Variants in LPIN2 observed in about 807,000 individuals in gnomAD.
LPIN2 encodes the protein lipin 2.
Under a neutral mutation model 111.4 loss-of-function variants are expected in LPIN2, and 55 were observed. The observed-to-expected ratio is 0.49, with a 90% CI of 0.40 to 0.62. LPIN2 has a LOEUF of 0.62. LPIN2 is among the 20% of genes least tolerant of loss of function. The pLI, the probability that LPIN2 is intolerant of heterozygous loss-of-function variation, is 0.00. For missense variants in LPIN2, 992 were observed against 1,112.1 expected (o/e 0.89, Z 1.54); for synonymous variants, 425 against 414.0 (o/e 1.03, Z -0.32).
intron 1 of LPIN2, among the ~76,000 whole-genome samples, chr18:2,977,780 C>T (rs1003307536): frequency 5.3e-5 from 8 of 152,088 alleles, no homozygotes; most frequent in African/African-American, 1.7e-4. Context: ...ACAGCTCTTA[C>T]AGATGAATTA....
chr18:2,966,743 C>T (rs1310182816), intron 1 of LPIN2, among the ~76,000 whole-genome samples: 1 of 152,174 alleles, frequency 6.6e-6, no homozygotes, highest in African/African-American at 2.4e-5. Flanking sequence ...CCCTCCAAGT[C>T]TCCTCACACC....
In LPIN2 at chr18:2,932,230, G is replaced by C. The variant is rs186007401; in HGVS notation, c.1269-787C>G. Among the ~76,000 whole-genome samples the C allele has an allele frequency of 1.4e-3, 218 of 152,170 alleles. 1 individual carries two copies. The highest frequency in any genetic ancestry group is 2.4e-3 in the Non-Finnish European group (164 of 68,004). On this transcript the variant is annotated intron_variant, in intron 8 of 19. Transcript: ENST00000677752. ...CAATGCTTACTACTCTATACCCTTT[G>C]AATAGGTATTTAATGTCACATTTGA...
At chr18:2,954,357 A>G in intron 3 of LPIN2, 147 bp downstream of exon 3, 1 of 668,420 alleles carries the variant, frequency 1.5e-6, no homozygotes, top group African/African-American at 1.8e-5. Flanking sequence ...TTGACAGCTT[A>G]GTTCTTCAAC....
At chr18:2,989,781 T>C (rs1366025959) in intron 1 of LPIN2, among the ~76,000 whole-genome samples, 1 of 151,874 alleles carries the variant, frequency 6.6e-6, no homozygotes, top group African/African-American at 2.4e-5. Flanking sequence ...ATTAGGCAGG[T>C]GTGTGGCAGG....
chr18:2,927,726 T>G lies in LPIN2; in HGVS notation c.1706A>C (p.Lys569Thr). The change falls in exon 12 of 20, where the codon AAA becomes ACA. Residue 569 changes from lysine (K) to threonine (T), a missense_variant. Transcript: ENST00000677752. ...AATGACCTCTAGGTCTGTTACCTGT[T>G]TGGTCATGCTTTCTCTCTTTCGCCA... Reference protein sequence around the residue: ...WFWRKRESMTKQLPESKEGKS... With the variant: ...WFWRKRESMTTQLPESKEGKS... 6.2e-7 allele frequency: 1 copy of G among 1,614,158 alleles called. No individual in the cohort carries two copies. The highest frequency in any genetic ancestry group is 1.3e-5 in the African/African-American group (1 of 75,068).
intron 1 of LPIN2, among the ~76,000 whole-genome samples, chr18:2,963,961 T>C (rs1284277742): frequency 6.6e-6 from 1 of 151,796 alleles, no homozygotes; most frequent in East Asian, 1.9e-4. Flanking sequence ...TCAGAACTAC[T>C]TTAGAGGTGG....
rs985510458 is a variant in LPIN2 at position 2,919,048 on chromosome 18, G to A, written c.*1245C>T. The A allele has an allele frequency of 2.6e-5, 4 of 152,296 alleles. No individual in the cohort carries two copies. The South Asian group carries it at 6.2e-4, about 24-fold the overall frequency. 9.4% of individuals were successfully genotyped at this position (152,296 alleles called of 1,614,324 possible). ...CAACACTCAGCATACCAAAAGCTCT[G>A]GAGCAGCTTATGGCACACCTTTCCC... is the stretch of plus-strand genomic sequence containing the variant. On this transcript the variant is annotated 3_prime_UTR_variant, in exon 20 of 20. Transcript: ENST00000677752.
rs76487390 is a variant in LPIN2, at chr18:2,962,881, T to C, written c.-9-2032A>G. ...ACAAAAAAATGCTAACTTTTAAGCA[T>C]TGACATTCAGCCACAAACAAGTCTT... On this transcript the variant is annotated intron_variant, in intron 1 of 19. Coordinates refer to ENST00000677752, the MANE Select transcript of LPIN2 (RefSeq NM_001375808.2). 6.2e-3 allele frequency among the ~76,000 whole-genome samples: 950 copies of C among 152,302 alleles called. 6 individuals carry two copies. The highest frequency in any genetic ancestry group is 0.021 in the African/African-American group (888 of 41,556).
At chr18:2,992,504 A>C (rs191275195) in intron 1 of LPIN2, among the ~76,000 whole-genome samples, 3 of 152,358 alleles carry the variant, frequency 2.0e-5, no homozygotes, top group African/African-American at 7.2e-5. Context: ...AATGGTAGTT[A>C]ATACCATGAA....
chr18:2,939,768 T>C (rs912618509), intron 5 of LPIN2, among the ~76,000 whole-genome samples, 165 bp from the exon 6 acceptor site: 1 of 152,186 alleles, frequency 6.6e-6, no homozygotes, highest in Non-Finnish European at 1.5e-5. Flanking sequence ...TTGAGTTCTT[T>C]AATAATAATA....
chr18:2,991,805 T>C (rs919601073), intron 1 of LPIN2, among the ~76,000 whole-genome samples: 1 of 152,006 alleles, frequency 6.6e-6, no homozygotes, highest in African/African-American at 2.4e-5. Flanking sequence ...AGGTCAGGAA[T>C]TCAAGATCAG....
At chr18:2,937,557 A>G in intron 7 of LPIN2, 135 bp downstream of exon 7, 1 of 686,006 alleles carries the variant, frequency 1.5e-6, no homozygotes, top group Non-Finnish European at 2.4e-6. Context: ...AAAAAAAAAA[A>G]AAAAAAAAAA....
chr18:2,967,670 G>C (rs2077829469), intron 1 of LPIN2: 1 of 152,196 alleles, frequency 6.6e-6, no homozygotes, highest in African/African-American at 2.4e-5. Flanking sequence ...GCAGTCTAGG[G>C]TAAGTTGAAA....
chr18:2,993,779 T>A (rs1315029370), intron 1 of LPIN2, among the ~76,000 whole-genome samples: 1 of 152,172 alleles, frequency 6.6e-6, no homozygotes, highest in African/African-American at 2.4e-5. Context: ...ATATAGCCCA[T>A]GAGTAGTTTG....
chr18:2,994,580 T>A (rs1225632164), intron 1 of LPIN2, among the ~76,000 whole-genome samples: 2 of 152,366 alleles, frequency 1.3e-5, no homozygotes, highest in African/African-American at 4.8e-5. Flanking sequence ...AAATGGGATA[T>A]CCATCCCCTC....
chr18:2,979,771 G>A (rs547120259), intron 1 of LPIN2, among the ~76,000 whole-genome samples: 3 of 152,108 alleles, frequency 2.0e-5, no homozygotes, highest in South Asian at 2.1e-4. Context: ...CATCTGTGGC[G>A]AGCATGCTTT....
intron 1 of LPIN2, among the ~76,000 whole-genome samples, chr18:2,999,461 C>G (rs1003527436): frequency 1.3e-5 from 2 of 151,944 alleles, no homozygotes; most frequent in African/African-American, 4.8e-5. Flanking sequence ...AAAAATTAGC[C>G]GGGCGCGGTT....
chr18:2,920,753 G>T, intron 19 of LPIN2, 25 bp downstream of exon 19: 1 of 1,577,678 alleles, frequency 6.3e-7, no homozygotes, highest in Non-Finnish European at 8.7e-7. Context: ...CAGGGCGCCG[G>T]GCTGAGAGCT....
intron 1 of LPIN2, among the ~76,000 whole-genome samples, chr18:2,995,019 T>C (rs2078320739): frequency 6.6e-6 from 1 of 152,134 alleles, no homozygotes; most frequent in Admixed American, 6.6e-5. Flanking sequence ...CTTCTTCAGT[T>C]TCAGGTCAAC....
Sources: gnomAD v4.1 joint callset for allele counts (sites outside exome capture counted in the v4.1 genomes callset) on GRCh38, gnomAD v4.1.1 for gene constraint, MANE v1.5 for transcripts, NCBI Gene and HGNC (gene_info 2026-07-23, HGNC 2026-07-21) for gene names.